DDHD1: variants seen among roughly 807,000 people sequenced by gnomAD.
DDHD1 encodes the protein DDHD domain containing 1.
In DDHD1, 49 loss-of-function variants were observed where a neutral mutation model predicts 96.4. The ratio of observed to expected loss-of-function variants is 0.51; its 90% confidence interval spans 0.40 to 0.64. DDHD1 has a LOEUF of 0.64. Ranked by LOEUF, DDHD1 falls within the 30% of genes least tolerant of loss-of-function variation. The probability of loss-of-function intolerance (pLI) is 0.00; values close to 1 mark genes in which losing one functional copy is unlikely to be tolerated. For missense variants in DDHD1, 1,106 were observed against 1,161.2 expected (o/e 0.95, Z 0.69); for synonymous variants, 442 against 446.5 (o/e 0.99, Z 0.13).
Position 53,038,498 on chromosome 14 carries a change from T to C in DDHD1, c.*8270A>G, listed in dbSNP as rs1881420160. The stretch of plus-strand genomic sequence containing the variant: ...TCTCTACAAGGAGAACTACAAAACA[T>C]GGCAGAAAGAAATCAGGGATGAAAC... On this transcript the variant is annotated 3_prime_UTR_variant, in exon 13 of 13. Coordinates refer to ENST00000673822, the MANE Select transcript of DDHD1 (RefSeq NM_001160148.2). The C allele has an allele frequency of 6.6e-6, 1 of 152,002 alleles. No individual in the cohort carries two copies. Among genetic ancestry groups the C allele is most frequent in the African/African-American group, 2.4e-5 (1 of 41,392 alleles). The allele number at this position is 152,002 out of a possible 1,614,324, so 9.4% of individuals were successfully genotyped here. A position where few individuals can be genotyped will look rare whatever the true frequency, so the allele number is the denominator to read the frequency against.
At chr14:53,147,162 G>A (rs1891053804) in intron 1 of DDHD1, among the ~76,000 whole-genome samples, 1 of 151,982 alleles carries the variant, frequency 6.6e-6, no homozygotes. Context: ...ATAATTCTCA[G>A]AGGATTCCTT....
At chr14:53,138,987 T>A (rs191938832) in intron 1 of DDHD1, among the ~76,000 whole-genome samples, 2 of 151,620 alleles carry the variant, frequency 1.3e-5, no homozygotes, top group East Asian at 3.9e-4. Flanking sequence ...CCTTACTCCC[T>A]ATCTCACCTA....
intron 3 of DDHD1, chr14:53,092,694 A>C (rs914179006): frequency 2.0e-5 from 3 of 152,212 alleles, no homozygotes; most frequent in Admixed American, 1.3e-4. Context: ...AAATAAAAAA[A>C]ATTAGCTGGG....
At chr14:53,141,032 T>C (rs1001249618) in intron 1 of DDHD1, among the ~76,000 whole-genome samples, 3 of 152,240 alleles carry the variant, frequency 2.0e-5, no homozygotes, top group African/African-American at 7.2e-5. Context: ...ATCCTAAATG[T>C]ATACACATCT....
chr14:53,117,500 A>C (rs538049091), intron 1 of DDHD1, among the ~76,000 whole-genome samples: 18 of 152,184 alleles, frequency 1.2e-4, no homozygotes, highest in Non-Finnish European at 2.1e-4. Flanking sequence ...CCCTCCTGTC[A>C]CTGGTTTGGC....
chr14:53,118,532 C>A (rs191132369), intron 1 of DDHD1, among the ~76,000 whole-genome samples: 1 of 151,712 alleles, frequency 6.6e-6, no homozygotes, highest in African/African-American at 2.4e-5. Flanking sequence ...CTTCAATAGC[C>A]GATTCAAACA....
At chr14:53,071,876 T>C (rs1347691485) in intron 6 of DDHD1, among the ~76,000 whole-genome samples, 1 of 151,892 alleles carries the variant, frequency 6.6e-6, no homozygotes, top group East Asian at 1.9e-4. Flanking sequence ...GTAAACAGAG[T>C]AAGCTGTGAA....
At chr14:53,068,992 C>G (rs1465645615) in intron 6 of DDHD1, among the ~76,000 whole-genome samples, 2 of 152,158 alleles carry the variant, frequency 1.3e-5, no homozygotes, top group Non-Finnish European at 2.9e-5. Flanking sequence ...CTCCTTTCTC[C>G]CCATTTATTT....
intron 3 of DDHD1, chr14:53,092,595 A>G (rs1259516338): frequency 6.6e-6 from 1 of 152,210 alleles, no homozygotes; most frequent in Non-Finnish European, 1.5e-5. Context: ...GTAACCCCAG[A>G]GCTTTGGGAG....
rs1267140915 is a variant in DDHD1, at chr14:53,038,740, C to T, written c.*8028G>A. ...AAGAGCCTGAATAGCCAAAGCAACCCAAAGCAGAAAGAACAAAGCCAGCAG... is the reference window on the plus strand; with the variant it reads ...AAGAGCCTGAATAGCCAAAGCAACCTAAAGCAGAAAGAACAAAGCCAGCAG... On this transcript the variant is annotated 3_prime_UTR_variant, in exon 13 of 13. Coordinates refer to ENST00000673822, the MANE Select transcript of DDHD1 (RefSeq NM_001160148.2). 6.6e-6 allele frequency: 1 copy of T among 152,094 alleles called. No individual in the cohort carries two copies. Among genetic ancestry groups the T allele is most frequent in the East Asian group, 1.9e-4 (1 of 5,196 alleles). 9.4% of individuals were successfully genotyped at this position (152,094 alleles called of 1,614,324 possible). A position where few individuals can be genotyped will look rare whatever the true frequency, so the allele number is the denominator to read the frequency against.
intron 4 of DDHD1, among the ~76,000 whole-genome samples, chr14:53,077,144 T>C (rs992705847): frequency 4.0e-5 from 6 of 151,756 alleles, no homozygotes; most frequent in African/African-American, 1.4e-4. Context: ...TTCCTATAAT[T>C]TGGTAGTTAG....
At chr14:53,099,392 T>C (rs1468684523) in intron 2 of DDHD1, among the ~76,000 whole-genome samples, 3 of 152,220 alleles carry the variant, frequency 2.0e-5, no homozygotes, top group African/African-American at 7.2e-5. Context: ...ACATTGCATT[T>C]TGTTGTCATG....
In DDHD1 at chr14:53,046,522, G is replaced by T; in HGVS notation, c.*246C>A. On this transcript the variant is annotated 3_prime_UTR_variant, in exon 13 of 13. Coordinates refer to ENST00000673822, the MANE Select transcript of DDHD1 (RefSeq NM_001160148.2). ...TTTACCCAAACCTTCTTCACATCCAGGTCTTGCTTGATTCTCTGGAGAAGG... is the reference window on the plus strand; with the variant it reads ...TTTACCCAAACCTTCTTCACATCCATGTCTTGCTTGATTCTCTGGAGAAGG... 1 of 286,698 alleles carries T rather than the reference G, an allele frequency of 3.5e-6. No homozygotes were observed. Among genetic ancestry groups the T allele is most frequent in the Non-Finnish European group, 6.5e-6 (1 of 154,742 alleles). The allele number at this position is 286,698 out of a possible 1,614,324, so 17.8% of individuals were successfully genotyped here.
intron 12 of DDHD1, among the ~76,000 whole-genome samples, chr14:53,049,935 T>TG (rs1431218944): frequency 2.0e-5 from 3 of 152,228 alleles, no homozygotes; most frequent in African/African-American, 7.2e-5. Flanking sequence ...ACATTCCATG[T>TG]GGAAGTGCTT....
chr14:53,055,532 G>GT lies in DDHD1; in HGVS notation c.2245+127dup, dbSNP rs1489508464. The GT allele has an allele frequency of 1.1e-5, 10 of 872,194 alleles. No individual in the cohort carries two copies. The African/African-American group carries it at 1.7e-4, about 15-fold the overall frequency. The allele number at this position is 872,194 out of a possible 1,614,324, so 54.0% of individuals were successfully genotyped here. A position where few individuals can be genotyped will look rare whatever the true frequency, so the allele number is the denominator to read the frequency against. ...GGCCTCAAATATGAACATTGGGAGG[G>GT]TAGTTAATTCTAGACACAGGGATTA... On this transcript the variant is annotated intron_variant, in intron 10 of 12. Transcript: ENST00000673822.
chr14:53,043,419 G>GTGTGTGTGTGTGTGTC lies in DDHD1; in HGVS notation c.*3348_*3349insGACACACACACACACA, dbSNP rs1881799653. ...TGTGTGTGTGTGTGTGTGTGTGTGTGTGTAAATACATACTTTTTTTTTTTG... is the reference window on the plus strand; with the variant it reads ...TGTGTGTGTGTGTGTGTGTGTGTGTGTGTGTGTGTGTGTGTCTGTAAATACATACTTTTTTTTTTTG... On this transcript the variant is annotated 3_prime_UTR_variant, in exon 13 of 13. Transcript: ENST00000673822. The GTGTGTGTGTGTGTGTC allele has an allele frequency of 1.3e-5, 2 of 151,992 alleles. No individual in the cohort carries two copies. Among genetic ancestry groups the GTGTGTGTGTGTGTGTC allele is most frequent in the South Asian group, 4.2e-4 (2 of 4,804 alleles). 9.4% of individuals were successfully genotyped at this position (151,992 alleles called of 1,614,324 possible).
chr14:53,087,122 T>C (rs1026884035), intron 4 of DDHD1, among the ~76,000 whole-genome samples: 3 of 151,996 alleles, frequency 2.0e-5, no homozygotes, highest in African/African-American at 7.3e-5. Context: ...ATCCTAAATA[T>C]ATATGCACCT....
At position 53,072,722 on chromosome 14, in the gene DDHD1, A is replaced by G. The variant is rs1884622985; in HGVS notation, c.1397-19T>C. ...ACAGTGTCTACAAAAACAAACAAAA[A>G]AAGCAAGTTAACTTATAGAAAGTCT... is the stretch of plus-strand genomic sequence containing the variant. On this transcript the variant is annotated intron_variant, in intron 5 of 12. Transcript: ENST00000673822. 1 of 1,551,404 alleles carries G rather than the reference A, an allele frequency of 6.4e-7. No homozygotes were observed. Among genetic ancestry groups the G allele is most frequent in the Non-Finnish European group, 8.8e-7 (1 of 1,134,744 alleles).
At chr14:53,083,703 T>C (rs761373254) in intron 4 of DDHD1, among the ~76,000 whole-genome samples, 1 of 152,220 alleles carries the variant, frequency 6.6e-6, no homozygotes, top group African/African-American at 2.4e-5. Context: ...TGAAGTTTTG[T>C]ATAGGCCCGA....
Sources: allele counts gnomAD v4.1 joint callset (sites outside exome capture counted in the v4.1 genomes callset), GRCh38; gene constraint gnomAD v4.1.1; transcripts MANE v1.5; gene names NCBI Gene and HGNC (gene_info 2026-07-23, HGNC 2026-07-21).